Variants in LGI4 observed in about 807,000 individuals in gnomAD.
LGI4 encodes the protein leucine-rich repeat LGI family member 4.
LGI4 carries 36 observed loss-of-function variants against 48.3 expected under a neutral mutation model. The observed-to-expected ratio is 0.75, with a 90% CI of 0.57 to 0.98. LGI4 has a LOEUF of 0.98. Among genes scored for constraint, LGI4 ranks in the 50% least tolerant of loss-of-function variants. The pLI, the probability that LGI4 is intolerant of heterozygous loss-of-function variation, is 0.00. For synonymous variants in LGI4, 355 were observed against 331.6 expected, an observed-to-expected ratio of 1.07 and a Z score of -0.77; for missense variants, 701 against 732.1, an observed-to-expected ratio of 0.96 and a Z score of 0.49.
At position 35,134,602 on chromosome 19, in the gene LGI4, A is replaced by G; in HGVS notation, c.79T>C (p.Cys27Arg). 6.3e-7 allele frequency: 1 copy of G among 1,587,204 alleles called. No homozygotes were observed. Among genetic ancestry groups the G allele is most frequent in the Non-Finnish European group, 8.6e-7 (1 of 1,167,336 alleles). Residue 27 changes from cysteine (C) to arginine (R), a missense_variant, in exon 1 of 9, where the codon TGT (cysteine) becomes CGT (arginine). By Grantham distance (180) the Cys-to-Arg change is radical (BLOSUM62 -3). Coordinates refer to ENST00000310123, the MANE Select transcript of LGI4 (RefSeq NM_139284.3). ...TTAGAGCAGGAGCAGCGCAGGGGACACTTTCCCTTTGGGGGTCTCCAGGCC... is the reference window on the plus strand; with the variant it reads ...TTAGAGCAGGAGCAGCGCAGGGGACGCTTTCCCTTTGGGGGTCTCCAGGCC... ...VVAWRPPKGK[C>R]PLRCSCSKDS...
intron 6 of LGI4, 74 bp from the exon 7 acceptor site, chr19:35,127,091 C>T (rs957173929): frequency 4.8e-6 from 7 of 1,461,768 alleles, no homozygotes; most frequent in Non-Finnish European, 4.6e-6. Context: ...AGTTTGCCTA[C>T]ATCTCTGAAA....
intron 3 of LGI4, among the ~76,000 whole-genome samples, chr19:35,132,666 AC>A (rs1221304344): frequency 6.6e-6 from 1 of 152,094 alleles, no homozygotes; most frequent in Middle Eastern, 3.2e-3. Context: ...CAACACCATC[AC>A]CAATATCATC....
chr19:35,128,029 G>C (rs888100016), intron 6 of LGI4, among the ~76,000 whole-genome samples: 1 of 152,184 alleles, frequency 6.6e-6, no homozygotes, highest in Non-Finnish European at 1.5e-5. Context: ...TGAGTGTAAT[G>C]AGCCACCACA....
intron 6 of LGI4, 188 bp downstream of exon 6, chr19:35,131,198 A>G (rs1463599437): frequency 5.6e-6 from 4 of 720,618 alleles, no homozygotes; most frequent in Non-Finnish European, 9.7e-6. Context: ...TTCCCATGGC[A>G]CTCCTATATC....
intron 7 of LGI4, 21 bp downstream of exon 7, chr19:35,126,829 CAGA>C: frequency 6.2e-7 from 1 of 1,602,622 alleles, no homozygotes; most frequent in Non-Finnish European, 8.5e-7. Flanking sequence ...GCTGGACAGG[CAGA>C]AGGACGGGGA....
At position 35,134,834 on chromosome 19, in the gene LGI4, G is replaced by A. The variant is rs898652094; in HGVS notation, c.-154C>T. ...CCTCTTCTCCGTCTTTCTTTCAGTC[G>A]GCCTTCCTCCCTGTTCGTATGTCTT... On this transcript the variant is annotated 5_prime_UTR_variant, in exon 1 of 9. Coordinates refer to ENST00000310123, the MANE Select transcript of LGI4 (RefSeq NM_139284.3). 11 of 556,912 alleles carry A rather than the reference G, an allele frequency of 2.0e-5. No individual in the cohort carries two copies. The highest frequency in any genetic ancestry group is 1.6e-4 in the East Asian group (5 of 31,680). The allele number at this position is 556,912 out of a possible 1,614,324, so 34.5% of individuals were successfully genotyped here. A position where few individuals can be genotyped will look rare whatever the true frequency, so the allele number is the denominator to read the frequency against.
intron 6 of LGI4, among the ~76,000 whole-genome samples, chr19:35,127,803 C>A (rs952638791): frequency 6.6e-6 from 1 of 152,202 alleles, no homozygotes; most frequent in African/African-American, 2.4e-5. Context: ...GATGATTTCC[C>A]CTTCGCAGAT....
chr19:35,133,960 C>T, intron 2 of LGI4, 73 bp downstream of exon 2: 3 of 1,424,272 alleles, frequency 2.1e-6, no homozygotes, highest in Non-Finnish European at 2.9e-6. Context: ...TCTGTGTGAG[C>T]ATACACTCCC....
intron 2 of LGI4, 93 bp from the exon 3 acceptor site, chr19:35,133,857 G>C (rs564758757): frequency 7.1e-7 from 1 of 1,406,412 alleles, no homozygotes; most frequent in East Asian, 2.5e-5. Context: ...GGTGGGCATG[G>C]GCACGCAGGT....
At position 35,131,542 on chromosome 19, in the gene LGI4, TC is replaced by T; in HGVS notation, c.471del (p.Asn158ThrfsTer19). The T allele has an allele frequency of 1.9e-6, 3 of 1,550,784 alleles. No homozygotes were observed. Among genetic ancestry groups the T allele is most frequent in the Non-Finnish European group, 2.6e-6 (3 of 1,146,744 alleles). Reference protein sequence around the residue: ...LDTLTHVDLRGNPFQCDCRVL... With the variant: ...LDTLTHVDLRXNPFQCDCRVL... ...ACGCGGCAGTCACACTGGAACGGGT[TC>T]CCGCGGAGGTCCCTGGGGCAAGAGG... On this transcript the variant is annotated frameshift_variant, in exon 6 of 9. Coordinates refer to ENST00000310123, the MANE Select transcript of LGI4 (RefSeq NM_139284.3). LOFTEE classifies it high-confidence loss of function.
chr19:35,133,853 C>A, intron 2 of LGI4, 89 bp from the exon 3 acceptor site: 1 of 1,410,066 alleles, frequency 7.1e-7, no homozygotes, highest in East Asian at 2.5e-5. Flanking sequence ...CCTAGGTGGG[C>A]ATGGGCACGC....
chr19:35,128,703 T>C (rs2445822), intron 6 of LGI4, among the ~76,000 whole-genome samples: 142,220 of 152,242 alleles, frequency 0.93, 66,559 homozygotes, highest in East Asian at 1. Flanking sequence ...CAGAGTGAGA[T>C]CCTGTTTCAA....
At position 35,125,000 on chromosome 19, in the gene LGI4, G is replaced by C. The variant is rs563563196; in HGVS notation, c.*193C>G. 505 of 451,468 alleles carry C rather than the reference G, an allele frequency of 1.1e-3. No individual in the cohort carries two copies. The highest frequency in any genetic ancestry group is 1.7e-3 in the Non-Finnish European group (453 of 261,506). 28.0% of individuals were successfully genotyped at this position (451,468 alleles called of 1,614,324 possible). On this transcript the variant is annotated 3_prime_UTR_variant, in exon 9 of 9. Transcript: ENST00000310123. ...CCTGAAGGGCAGCTCGGGAGGTCCAGTAGGCTGGGACCCTCTATGTCCCCC... is the reference window on the plus strand; with the variant it reads ...CCTGAAGGGCAGCTCGGGAGGTCCACTAGGCTGGGACCCTCTATGTCCCCC...
Position 35,124,909 on chromosome 19 carries a change from T to G in LGI4, c.*284A>C, listed in dbSNP as rs1386328867. 3 of 317,678 alleles carry G rather than the reference T, an allele frequency of 9.4e-6. No individual in the cohort carries two copies. The highest frequency in any genetic ancestry group is 1.7e-5 in the Non-Finnish European group (3 of 173,142). 19.7% of individuals were successfully genotyped at this position (317,678 alleles called of 1,614,324 possible). On this transcript the variant is annotated 3_prime_UTR_variant, in exon 9 of 9. Coordinates refer to ENST00000310123, the MANE Select transcript of LGI4 (RefSeq NM_139284.3). ...CTCGACTCCATGCAGTGCACCAGCC[T>G]GCACCCCCCAGGTTGCCTTTGATGG...
chr19:35,125,141 G>T lies in LGI4; in HGVS notation c.*52C>A. 1.4e-6 allele frequency: 2 copies of T among 1,470,752 alleles called. No individual in the cohort carries two copies. Among genetic ancestry groups the T allele is most frequent in the Non-Finnish European group, 9.1e-7 (1 of 1,098,930 alleles). 91.1% of individuals were successfully genotyped at this position (1,470,752 alleles called of 1,614,324 possible). On this transcript the variant is annotated 3_prime_UTR_variant, in exon 9 of 9. Transcript: ENST00000310123. Reference sequence around the variant, plus strand: ...TCACCCCAAGTAGGGCCAGGAGCCAGCCAAGGGGCCGTCCAGGGGCCCCAG... The same window carrying T: ...TCACCCCAAGTAGGGCCAGGAGCCATCCAAGGGGCCGTCCAGGGGCCCCAG...
intron 3 of LGI4, among the ~76,000 whole-genome samples, chr19:35,132,743 C>A (rs992632204): frequency 1.3e-4 from 20 of 152,152 alleles, no homozygotes; most frequent in African/African-American, 4.6e-4. Context: ...ATGATCAACA[C>A]CAAAAAGATT....
At chr19:35,125,667 T>C (rs1431409584) in intron 8 of LGI4, 160 bp from the exon 9 acceptor site, 1 of 727,272 alleles carries the variant, frequency 1.4e-6, no homozygotes, top group Non-Finnish European at 2.4e-6. Context: ...GCAGTTGTTC[T>C]GAGCCCTTCC....
intron 6 of LGI4, among the ~76,000 whole-genome samples, chr19:35,130,814 A>G (rs1385186450): frequency 6.6e-6 from 1 of 151,970 alleles, no homozygotes; most frequent in Admixed American, 6.5e-5. Flanking sequence ...CTCAGCTCCC[A>G]CAGCTTTCCC....
chr19:35,125,329 T>C lies in LGI4; in HGVS notation c.1478A>G (p.Glu493Gly). The C allele has an allele frequency of 1.2e-6, 2 of 1,612,752 alleles. No homozygotes were observed. Among genetic ancestry groups the C allele is most frequent in the Non-Finnish European group, 1.7e-6 (2 of 1,179,066 alleles). Residue 493 changes from glutamate to glycine, a missense_variant, in exon 9 of 9, where the codon GAG becomes GGG. Physicochemically the swap from Glu to Gly is moderately conservative, Grantham distance 98 (BLOSUM62 -2). Coordinates refer to ENST00000310123, the MANE Select transcript of LGI4 (RefSeq NM_139284.3). ...GGCCACCAGGGCCGGAGGCCCCAGC[T>C]CCTGCAGTGGCTCCAGGAGCCCCTT... is the stretch of plus-strand genomic sequence containing the variant. ...PDKGLLEPLQ[E>G]LGPPALVAPR... is the part of the protein sequence containing the mutation.
Sources: allele counts gnomAD v4.1 joint callset (sites outside exome capture counted in the v4.1 genomes callset), GRCh38; gene constraint gnomAD v4.1.1; transcripts MANE v1.5; gene names NCBI Gene and HGNC (gene_info 2026-07-23, HGNC 2026-07-21).